Variants in CACNG5 observed in about 807,000 individuals in gnomAD.
The protein encoded by CACNG5 is voltage-dependent calcium channel gamma-5 subunit.
A neutral mutation model predicts 24.8 loss-of-function variants in CACNG5; 18 were observed. That is an observed-to-expected ratio of 0.73 (90% CI 0.50 to 1.08). The LOEUF is 1.08. Among genes scored for constraint, CACNG5 ranks in the 50% least tolerant of loss-of-function variants. The pLI is 0.00. For synonymous variants in CACNG5, 157 were observed against 149.1 expected (o/e 1.05, Z -0.39); for missense variants, 349 against 367.9 (o/e 0.95, Z 0.42).
chr17:66,883,885 G>A (rs964980541), intron 4 of CACNG5, among the ~76,000 whole-genome samples: 10 of 152,310 alleles, frequency 6.6e-5, no homozygotes, highest in Admixed American at 3.9e-4. Context: ...TGTAATCCCA[G>A]CACTTTGGGA....
intron 1 of CACNG5, among the ~76,000 whole-genome samples, chr17:66,852,767 A>G (rs1320875111): frequency 6.6e-6 from 1 of 152,122 alleles, no homozygotes; most frequent in East Asian, 1.9e-4. Flanking sequence ...ACAAGTTCAT[A>G]TAAAGGAAAT....
At chr17:66,847,550 C>T (rs939294614) in intron 1 of CACNG5, among the ~76,000 whole-genome samples, 1 of 117,158 alleles carries the variant, frequency 8.5e-6, no homozygotes, top group Non-Finnish European at 1.7e-5. Flanking sequence ...AAAACCCACC[C>T]CCATGACTCA....
Position 66,891,082 on chromosome 17 carries a change from A to G in CACNG5, c.*5842A>G, listed in dbSNP as rs376501167. 6.6e-6 allele frequency among the ~76,000 whole-genome samples: 1 copy of G among 152,194 alleles called. No homozygotes were observed. Among genetic ancestry groups the G allele is most frequent in the African/African-American group, 2.4e-5 (1 of 41,438 alleles). On this transcript the variant is annotated 3_prime_UTR_variant, in exon 6 of 6. Coordinates refer to ENST00000533854, the MANE Select transcript of CACNG5 (RefSeq NM_145811.3). ...AGTGGGTAGCAAGATGGCAACAGTG[A>G]TTCCAAACATCCTATCAAGATGCAA...
At chr17:66,862,087 G>A (rs1976868792) in intron 1 of CACNG5, among the ~76,000 whole-genome samples, 1 of 152,160 alleles carries the variant, frequency 6.6e-6, no homozygotes, top group Non-Finnish European at 1.5e-5. Context: ...GACTTGGCAT[G>A]GCAGAGAGTT....
chr17:66,862,253 A>G (rs11868854), intron 1 of CACNG5, among the ~76,000 whole-genome samples: 28,810 of 152,108 alleles, frequency 0.19, 2,871 homozygotes, highest in Middle Eastern at 0.26. Context: ...TATGGATTAA[A>G]TGGAAGAGAA....
chr17:66,852,966 C>CCTCCTTCTCTCTT (rs1347785706), intron 1 of CACNG5, among the ~76,000 whole-genome samples: 1 of 150,624 alleles, frequency 6.6e-6, no homozygotes, highest in Non-Finnish European at 1.5e-5. Flanking sequence ...CTCCTTCTCT[C>CCTCCTTCTCTCTT]CTCCTTCTCT....
intron 4 of CACNG5, among the ~76,000 whole-genome samples, chr17:66,883,512 A>AT (rs1293626700): frequency 1.3e-5 from 2 of 152,234 alleles, no homozygotes; most frequent in African/African-American, 2.4e-5. Context: ...AGAGTAATTA[A>AT]TTATGTCTTG....
At chr17:66,850,478 T>TG (rs948287295) in intron 1 of CACNG5, among the ~76,000 whole-genome samples, 31 of 152,280 alleles carry the variant, frequency 2.0e-4, no homozygotes, top group African/African-American at 7.0e-4. Flanking sequence ...GGAAATTCAC[T>TG]GTTGGCCTCC....
intron 1 of CACNG5, among the ~76,000 whole-genome samples, chr17:66,843,784 C>T (rs1209145332): frequency 6.6e-6 from 1 of 152,102 alleles, no homozygotes; most frequent in Non-Finnish European, 1.5e-5. Context: ...TGGAAAGAAG[C>T]CAGCTGTCAG....
At chr17:66,859,762 G>A (rs1321326203) in intron 1 of CACNG5, among the ~76,000 whole-genome samples, 1 of 152,044 alleles carries the variant, frequency 6.6e-6, no homozygotes, top group Non-Finnish European at 1.5e-5. Flanking sequence ...GGAGGGGGCT[G>A]GGCATGATCA....
At chr17:66,836,500 AG>A (rs138663893) in intron 1 of CACNG5, among the ~76,000 whole-genome samples, 18 of 152,308 alleles carry the variant, frequency 1.2e-4, no homozygotes, top group African/African-American at 4.3e-4. Flanking sequence ...TCTCAGTGGC[AG>A]GTTGGTGGCA....
Sources: gnomAD v4.1 joint callset for allele counts (sites outside exome capture counted in the v4.1 genomes callset) on GRCh38, gnomAD v4.1.1 for gene constraint, MANE v1.5 for transcripts, NCBI Gene and HGNC (gene_info 2026-07-23, HGNC 2026-07-21) for gene names.